Variants in NAALADL2 observed in about 807,000 individuals in gnomAD.
NAALADL2 encodes the protein N-acetylated alpha-linked acidic dipeptidase like 2.
NAALADL2 carries 76 observed loss-of-function variants against 87.2 expected under a neutral mutation model. The observed-to-expected ratio is 0.87, with a 90% CI of 0.72 to 1.05. The LOEUF is 1.05. NAALADL2 is among the 50% of genes least tolerant of loss of function. The pLI, the probability that NAALADL2 is intolerant of heterozygous loss-of-function variation, is 0.00. For missense variants in NAALADL2, 1,089 were observed against 945.8 expected, an observed-to-expected ratio of 1.15 and a Z score of -1.99; for synonymous variants, 354 against 331.0, an observed-to-expected ratio of 1.07 and a Z score of -0.75.
chr3:174,673,942 TAATA>T (rs1003433562), intron 2 of NAALADL2, among the ~76,000 whole-genome samples: 2 of 79,700 alleles, frequency 2.5e-5, no homozygotes, highest in Non-Finnish European at 6.5e-5. Flanking sequence ...TGTTATGTAT[TAATA>T]AAAAAAAATT....
intron 3 of NAALADL2, among the ~76,000 whole-genome samples, chr3:174,793,254 T>C (rs1355602061): frequency 6.6e-6 from 1 of 152,154 alleles, no homozygotes; most frequent in Non-Finnish European, 1.5e-5. Context: ...TTAAATACTC[T>C]CTATTGGGGT....
chr3:174,807,118 T>G lies in NAALADL2; in HGVS notation c.-9+69372T>G, dbSNP rs552450819. Among the ~76,000 whole-genome samples, 10 of 152,234 alleles carry G rather than the reference T, an allele frequency of 6.6e-5. No individual in the cohort carries two copies. In the South Asian group the frequency reaches 2.1e-3, roughly 32 times the overall value. On this transcript the variant is annotated intron_variant, in intron 3 of 3. Coordinates refer to the NAALADL2 transcript ENST00000434257. ...TTGCAGGGTTTCAGCTTTTAAAGGA[T>G]TTGAAATTTTATTAGCTCACATCCT...
chr3:174,971,204 G>T (rs1023544590), intron 1 of NAALADL2, among the ~76,000 whole-genome samples: 5 of 152,134 alleles, frequency 3.3e-5, no homozygotes, highest in Non-Finnish European at 7.4e-5. Flanking sequence ...TGGGAATTCT[G>T]GGAGATACAA....
At chr3:175,180,614 C>T (rs1222184838) in intron 2 of NAALADL2, among the ~76,000 whole-genome samples, 2 of 151,666 alleles carry the variant, frequency 1.3e-5, no homozygotes, top group East Asian at 1.9e-4. Context: ...GGAAGGAGAT[C>T]GAAATTTTAA....
intron 1 of NAALADL2, among the ~76,000 whole-genome samples, chr3:174,899,609 C>T (rs1732058835): frequency 6.6e-6 from 1 of 152,138 alleles, no homozygotes; most frequent in Non-Finnish European, 1.5e-5. Flanking sequence ...AGAAGCTGAG[C>T]AGATACTAGC....
intron 2 of NAALADL2, among the ~76,000 whole-genome samples, chr3:174,693,400 A>G (rs944807750): frequency 6.6e-6 from 1 of 152,164 alleles, no homozygotes; most frequent in African/African-American, 2.4e-5. Flanking sequence ...GTTTTCTTAA[A>G]TGCATTTTGG....
intron 2 of NAALADL2, among the ~76,000 whole-genome samples, chr3:175,228,772 G>C (rs1476580143): frequency 6.6e-6 from 1 of 151,870 alleles, no homozygotes; most frequent in Non-Finnish European, 1.5e-5. Flanking sequence ...AGTAGATCGA[G>C]AAGGAAGGCT....
intron 5 of NAALADL2, among the ~76,000 whole-genome samples, chr3:175,420,773 A>G (rs925659492): frequency 2.0e-5 from 3 of 151,998 alleles, no homozygotes; most frequent in South Asian, 2.1e-4. Context: ...TTATTATTAC[A>G]CAGTTATTTA....
At chr3:175,800,176 G>A (rs1753977327) in intron 13 of NAALADL2, among the ~76,000 whole-genome samples, 1 of 152,116 alleles carries the variant, frequency 6.6e-6, no homozygotes, top group Admixed American at 6.5e-5. Flanking sequence ...GATGAGGCAG[G>A]TGGAGTTGTT....
chr3:175,323,056 C>T (rs1368000629), intron 4 of NAALADL2, among the ~76,000 whole-genome samples: 1 of 148,734 alleles, frequency 6.7e-6, no homozygotes, highest in Non-Finnish European at 1.5e-5. Context: ...TATTGCGGCA[C>T]TATTCACAAT....
chr3:174,557,726 A>G (rs941125525), intron 2 of NAALADL2, among the ~76,000 whole-genome samples: 3 of 151,822 alleles, frequency 2.0e-5, no homozygotes, highest in Non-Finnish European at 4.4e-5. Context: ...CTTTAAATGT[A>G]TCTTTGTCAG....
chr3:175,601,077 A>G (rs62284497), intron 10 of NAALADL2, among the ~76,000 whole-genome samples: 2,521 of 152,304 alleles, frequency 0.017, 34 homozygotes, highest in Non-Finnish European at 0.026. Flanking sequence ...CCGCTTAGAA[A>G]AGACAATTTT....
chr3:174,774,454 C>T lies in NAALADL2; in HGVS notation c.-9+36708C>T, dbSNP rs573325332. 2.6e-5 allele frequency among the ~76,000 whole-genome samples: 4 copies of T among 152,216 alleles called. 1 individual carries two copies. Among genetic ancestry groups the T allele is most frequent in the South Asian group, 2.1e-4 (1 of 4,822 alleles). On this transcript the variant is annotated intron_variant, in intron 3 of 3. Transcript: ENST00000434257. ...CAGCCATACCTTCACATCTTGACTT[C>T]GAGGAGAAACAACAGCCTTTAATAA...
intron 11 of NAALADL2, among the ~76,000 whole-genome samples, chr3:175,712,330 T>C (rs1740644834): frequency 6.6e-6 from 1 of 152,080 alleles, no homozygotes; most frequent in Admixed American, 6.6e-5. Context: ...CAATCTTTCA[T>C]GTAATCCATG....
upstream of NAALADL2, among the ~76,000 whole-genome samples, chr3:174,855,921 CAT>C (rs1168394323): frequency 1.3e-5 from 2 of 148,564 alleles, no homozygotes; most frequent in Admixed American, 6.8e-5. Context: ...TATATATACA[CAT>C]AGATATGAAT....
At chr3:175,636,612 C>T (rs1417156657) in intron 11 of NAALADL2, among the ~76,000 whole-genome samples, 1 of 149,334 alleles carries the variant, frequency 6.7e-6, no homozygotes, top group Non-Finnish European at 1.5e-5. Context: ...GCAGGAGAAT[C>T]GTTTGAACCT....
chr3:174,970,875 T>C (rs1259954694), intron 1 of NAALADL2, among the ~76,000 whole-genome samples: 1 of 152,140 alleles, frequency 6.6e-6, no homozygotes, highest in Non-Finnish European at 1.5e-5. Flanking sequence ...ATTATACATA[T>C]CAGCACAACA....
intron 9 of NAALADL2, among the ~76,000 whole-genome samples, chr3:175,551,087 C>CATGT (rs141179906): frequency 9.4e-5 from 14 of 149,318 alleles, no homozygotes; most frequent in African/African-American, 3.2e-4. Context: ...TGTGTCTCTG[C>CATGT]GTGTGTGTGT....
intron 10 of NAALADL2, among the ~76,000 whole-genome samples, chr3:175,617,453 G>T (rs9841837): frequency 0.74 from 111,880 of 152,072 alleles, 42,287 homozygotes; most frequent in East Asian, 0.87. Flanking sequence ...ACAGGGTGGA[G>T]GCGGCTTCCT....
Sources: gnomAD v4.1 joint callset for allele counts (sites outside exome capture counted in the v4.1 genomes callset) on GRCh38, gnomAD v4.1.1 for gene constraint, MANE v1.5 for transcripts, NCBI Gene and HGNC (gene_info 2026-07-23, HGNC 2026-07-21) for gene names.